CDH23: variants seen among roughly 807,000 people sequenced by gnomAD.
CDH23 encodes cadherin-23.
Under a neutral mutation model 317.1 loss-of-function variants are expected in CDH23, and 189 were observed. The ratio of observed to expected loss-of-function variants is 0.60; its 90% CI spans 0.53 to 0.67. The LOEUF is 0.67. Among genes scored for constraint, CDH23 ranks in the 30% least tolerant of loss-of-function variants. The pLI is 0.00. For missense variants in CDH23, 4,401 were observed against 4,592.4 expected, an observed-to-expected ratio of 0.96 and a Z score of 1.20; for synonymous variants, 1,839 against 1,876.8, an observed-to-expected ratio of 0.98 and a Z score of 0.52.
intron 18 of CDH23, among the ~76,000 whole-genome samples, chr10:71,683,017 C>T (rs1468806422): frequency 1.3e-5 from 2 of 152,138 alleles, no homozygotes; most frequent in Admixed American, 1.3e-4. Context: ...TTCCCTTTTC[C>T]ACTCCTCTGA....
At chr10:71,482,954 C>T (rs1049947681) in intron 3 of CDH23, among the ~76,000 whole-genome samples, 5 of 152,246 alleles carry the variant, frequency 3.3e-5, no homozygotes, top group African/African-American at 7.2e-5. Context: ...GGAAGTAAAT[C>T]TCCAGCAGGA....
At position 71,774,053 on chromosome 10, in the gene CDH23, A is replaced by G. The variant is rs144716313; in HGVS notation, c.4846-3627A>G. On this transcript the variant is annotated intron_variant, in intron 38 of 69. Coordinates refer to ENST00000224721, the MANE Select transcript of CDH23 (RefSeq NM_022124.6). ...GCACCCTGAGTGCATGCGCGCGCGCACACACACACACACACACACACACAC... is the reference window on the plus strand; with the variant it reads ...GCACCCTGAGTGCATGCGCGCGCGCGCACACACACACACACACACACACAC... Among the ~76,000 whole-genome samples the G allele has an allele frequency of 8.1e-3, 424 of 52,670 alleles. 4 individuals carry two copies. The South Asian group carries it at 0.12, about 15-fold the overall frequency. 34.6% of individuals were successfully genotyped at this position (52,670 alleles called of 152,430 possible). A position where few individuals can be genotyped will look rare whatever the true frequency, so the allele number is the denominator to read the frequency against.
intron 38 of CDH23, among the ~76,000 whole-genome samples, chr10:71,743,516 C>T (rs1231487233): frequency 6.6e-6 from 1 of 152,168 alleles, no homozygotes; most frequent in Non-Finnish European, 1.5e-5. Flanking sequence ...TGACTCTGGG[C>T]ACCCCTGTGG....
At chr10:71,792,814 T>G (rs1293852506) in intron 47 of CDH23, among the ~76,000 whole-genome samples, 2 of 82,192 alleles carry the variant, frequency 2.4e-5, no homozygotes, top group Non-Finnish European at 4.2e-5. Context: ...AGTGTAAGAC[T>G]CCATCTAAAA....
At chr10:71,574,068 G>A (rs569792873) in intron 8 of CDH23, among the ~76,000 whole-genome samples, 1 of 152,210 alleles carries the variant, frequency 6.6e-6, no homozygotes, top group East Asian at 1.9e-4. Context: ...CCCAGGCTGA[G>A]ATGCACCCTG....
chr10:71,687,817 T>C, intron 19 of CDH23, 98 bp downstream of exon 19: 1 of 1,145,744 alleles, frequency 8.7e-7, no homozygotes, highest in Admixed American at 1.9e-5. Context: ...ACACAAATTG[T>C]GGGAGGTCCA....
intron 11 of CDH23, among the ~76,000 whole-genome samples, chr10:71,630,107 G>C (rs1052785960): frequency 6.6e-6 from 1 of 151,940 alleles, no homozygotes; most frequent in South Asian, 2.1e-4. Flanking sequence ...CTGCAGCCTC[G>C]AACTCCTGGG....
intron 30 of CDH23, among the ~76,000 whole-genome samples, chr10:71,730,017 G>A (rs988772733): frequency 6.6e-6 from 1 of 151,942 alleles, no homozygotes; most frequent in Non-Finnish European, 1.5e-5. Flanking sequence ...TGTATTTTTA[G>A]TAGAGATGGG....
At chr10:71,597,560 C>T (rs942115464) in intron 9 of CDH23, among the ~76,000 whole-genome samples, 3 of 152,094 alleles carry the variant, frequency 2.0e-5, no homozygotes, top group East Asian at 1.9e-4. Context: ...TTGGAACCTA[C>T]CTCCCAAGGA....
Position 71,778,018 on chromosome 10 carries a change from G to A in CDH23, c.5067+117G>A, listed in dbSNP as rs1840858771. On this transcript the variant is annotated intron_variant, in intron 39 of 69. Coordinates refer to ENST00000224721, the MANE Select transcript of CDH23 (RefSeq NM_022124.6). Reference sequence around the variant, plus strand: ...GATGCAGTCTAGGGGAAACTGTGGGGGCACTCAGTGTGGGAGGATGAAAAG... The same window carrying A: ...GATGCAGTCTAGGGGAAACTGTGGGAGCACTCAGTGTGGGAGGATGAAAAG... 15 of 1,422,778 alleles carry A rather than the reference G, an allele frequency of 1.1e-5. No individual in the cohort carries two copies. In the South Asian group the frequency reaches 1.3e-4, roughly 12 times the overall value. The allele number at this position is 1,422,778 out of a possible 1,614,324, so 88.1% of individuals were successfully genotyped here.
intron 11 of CDH23, among the ~76,000 whole-genome samples, chr10:71,631,981 G>A (rs186167197): frequency 3.9e-5 from 6 of 152,346 alleles, no homozygotes; most frequent in African/African-American, 9.6e-5. Context: ...CTGGGGGTGG[G>A]AGAGGAGTCC....
At chr10:71,454,943 G>A (rs189017931) in intron 3 of CDH23, among the ~76,000 whole-genome samples, 2 of 150,574 alleles carry the variant, frequency 1.3e-5, no homozygotes, top group Non-Finnish European at 2.9e-5. Flanking sequence ...GGACTCAAGT[G>A]ATCCTCCCAC....
At chr10:71,786,339 G>A (rs1200970942) in intron 44 of CDH23, among the ~76,000 whole-genome samples, 1 of 152,148 alleles carries the variant, frequency 6.6e-6, no homozygotes. Flanking sequence ...GTTCATCTCA[G>A]CTCTGCCCCT....
chr10:71,790,820 G>T (rs957556610), intron 46 of CDH23: 2 of 487,022 alleles, frequency 4.1e-6, no homozygotes, highest in Non-Finnish European at 7.5e-6. Flanking sequence ...GACAGGTGCC[G>T]ACAGGAAAGC....
chr10:71,564,604 G>A (rs1206346564), intron 6 of CDH23, among the ~76,000 whole-genome samples: 3 of 152,220 alleles, frequency 2.0e-5, no homozygotes, highest in Non-Finnish European at 2.9e-5. Flanking sequence ...GGACCATGCG[G>A]TATGGACAGT....
At chr10:71,402,150 G>A (rs1024948419) in intron 1 of CDH23, among the ~76,000 whole-genome samples, 2 of 152,188 alleles carry the variant, frequency 1.3e-5, no homozygotes, top group Admixed American at 6.5e-5. Flanking sequence ...TTGCGGTCTT[G>A]GGGCCCTGTG....
rs192266658 is a variant in CDH23 at position 71,811,516 on chromosome 10, G to A, written c.9204G>A (p.Ala3068=). 5.1e-4 allele frequency: 820 copies of A among 1,613,926 alleles called. 5 individuals are homozygous for A. In the African/African-American group the frequency reaches 9.7e-3, roughly 19 times the overall value. Reference sequence around the variant, plus strand: ...CCCTGGTCCTGCTCCCGCAGATGGCGATCATCGTCCTGGCTATCCTCCTGT... The same window carrying A: ...CCCTGGTCCTGCTCCCGCAGATGGCAATCATCGTCCTGGCTATCCTCCTGT... ...LPDDMSALQM[A]IIVLAILLFL... The change falls in exon 64 of 70, where the codon GCG becomes GCA. Residue 3068 remains alanine (A), a synonymous_variant. Transcript: ENST00000224721.
In CDH23 at chr10:71,738,623, C is replaced by T. The variant is rs1839637295; in HGVS notation, c.4335C>T (p.Asp1445=). The stretch of plus-strand genomic sequence containing the variant: ...GAGTGGCTACTGTCAAGGCCTGGGA[C>T]CCTGATGCTGGCAGCAATGGGCAGG... ...GQRVATVKAW[D]PDAGSNGQVV... is the part of the protein sequence containing the mutation. The change falls in exon 35 of 70, where the codon GAC becomes GAT. Residue 1445 remains aspartate, a synonymous_variant. Coordinates refer to ENST00000224721, the MANE Select transcript of CDH23 (RefSeq NM_022124.6). 6.2e-7 allele frequency: 1 copy of T among 1,613,466 alleles called. No homozygotes were observed. Among genetic ancestry groups the T allele is most frequent in the African/African-American group, 1.3e-5 (1 of 75,058 alleles).
chr10:71,456,913 C>G (rs1294274495), intron 3 of CDH23, among the ~76,000 whole-genome samples: 1 of 152,190 alleles, frequency 6.6e-6, no homozygotes, highest in Non-Finnish European at 1.5e-5. Context: ...GGCCCCAAAG[C>G]CTGTGCACTT....
Sources: allele counts gnomAD v4.1 joint callset (sites outside exome capture counted in the v4.1 genomes callset), GRCh38; gene constraint gnomAD v4.1.1; transcripts MANE v1.5; gene names NCBI Gene and HGNC (gene_info 2026-07-23, HGNC 2026-07-21).